Variants in RWDD1 observed in about 807,000 individuals in gnomAD.
The protein encoded by RWDD1 is RWD domain containing 1, also known as RWD domain-containing protein 1.
In RWDD1, 17 loss-of-function variants were observed where a neutral mutation model predicts 31.6. That is an observed-to-expected ratio of 0.54 (90% CI 0.37 to 0.81). The LOEUF (loss-of-function observed/expected upper bound fraction) is 0.81, where lower values mean the gene tolerates loss of function less well. Among genes scored for constraint, RWDD1 ranks in the 30% least tolerant of loss-of-function variants. The pLI is 0.00. For synonymous variants in RWDD1, 78 were observed against 94.2 expected (o/e 0.83, Z 0.99); for missense variants, 204 against 274.5 (o/e 0.74, Z 1.82).
chr6:116,589,245 A>G (rs1038721109), intron 4 of RWDD1, among the ~76,000 whole-genome samples: 23 of 152,294 alleles, frequency 1.5e-4, no homozygotes, highest in African/African-American at 5.5e-4. Flanking sequence ...TTCACCTATG[A>G]TATAGAGCCA....
intron 2 of RWDD1, among the ~76,000 whole-genome samples, chr6:116,582,084 A>T (rs1184952969): frequency 6.6e-6 from 1 of 151,988 alleles, no homozygotes. Flanking sequence ...ATGTAAATAT[A>T]TGCAGATAAA....
chr6:116,583,638 A>G (rs572316949), intron 2 of RWDD1, among the ~76,000 whole-genome samples: 1 of 152,088 alleles, frequency 6.6e-6, no homozygotes, highest in African/African-American at 2.4e-5. Context: ...ATCACATTGT[A>G]CACCTTAAAT....
chr6:116,573,152 G>A (rs1774776178), intron 1 of RWDD1, among the ~76,000 whole-genome samples: 1 of 152,214 alleles, frequency 6.6e-6, no homozygotes, highest in Non-Finnish European at 1.5e-5. Context: ...CAAGACAGCA[G>A]GATGTGCTAT....
chr6:116,582,004 T>G (rs1774955471), intron 2 of RWDD1, among the ~76,000 whole-genome samples: 1 of 152,004 alleles, frequency 6.6e-6, no homozygotes, highest in African/African-American at 2.4e-5. Flanking sequence ...TTTTGAGATT[T>G]TATATTTATA....
At chr6:116,582,125 A>T (rs1043923441) in intron 2 of RWDD1, among the ~76,000 whole-genome samples, 4 of 151,898 alleles carry the variant, frequency 2.6e-5, no homozygotes, top group African/African-American at 9.7e-5. Context: ...TATTTTTAAG[A>T]TACTTAAAAT....
At chr6:116,572,050 G>C (rs546139067) in intron 1 of RWDD1, among the ~76,000 whole-genome samples, 2 of 151,974 alleles carry the variant, frequency 1.3e-5, no homozygotes, top group East Asian at 3.9e-4. Flanking sequence ...GGTAGAAACT[G>C]TTTTTCATAC....
At chr6:116,576,951 C>T (rs934809271) in intron 1 of RWDD1, among the ~76,000 whole-genome samples, 1 of 152,212 alleles carries the variant, frequency 6.6e-6, no homozygotes, top group African/African-American at 2.4e-5. Flanking sequence ...TAGATGTGAT[C>T]TGACAGGGCA....
At chr6:116,575,613 C>G (rs1240323494) in intron 1 of RWDD1, among the ~76,000 whole-genome samples, 2 of 152,138 alleles carry the variant, frequency 1.3e-5, no homozygotes, top group Non-Finnish European at 2.9e-5. Context: ...TTAAAAAATA[C>G]TTATTTTAAT....
At chr6:116,580,937 G>C (rs1774937680) in intron 2 of RWDD1, among the ~76,000 whole-genome samples, 1 of 152,048 alleles carries the variant, frequency 6.6e-6, no homozygotes, top group South Asian at 2.1e-4. Flanking sequence ...TAGTTGATAT[G>C]GTAATTTGAT....
chr6:116,574,697 TTTTC>T (rs1410401146), intron 1 of RWDD1, among the ~76,000 whole-genome samples: 19 of 151,414 alleles, frequency 1.3e-4, no homozygotes, highest in South Asian at 4.2e-4. Flanking sequence ...CCTTCCTTCC[TTTTC>T]TTTCTTTCTT....
chr6:116,572,735 G>T (rs1376070733), intron 1 of RWDD1: 9 of 390,544 alleles, frequency 2.3e-5, no homozygotes, highest in South Asian at 1.0e-4. Flanking sequence ...ATAGTGTAAG[G>T]TATATTACTT....
rs989159683 is a variant in RWDD1 at position 116,595,256 on chromosome 6, T to G, written c.*2155T>G. 2.0e-5 allele frequency: 3 copies of G among 152,340 alleles called. No homozygotes were observed. The highest frequency in any genetic ancestry group is 7.2e-5 in the African/African-American group (3 of 41,580). The allele number at this position is 152,340 out of a possible 1,614,324, so 9.4% of individuals were successfully genotyped here. On this transcript the variant is annotated 3_prime_UTR_variant, in exon 7 of 7. Transcript: ENST00000466444. ...GATTTTTAAGAATAAATTTTATATA[T>G]TTCTCCAGGTATTAAAGTGGATGTC...
chr6:116,594,996 G>A lies in RWDD1; in HGVS notation c.*1895G>A, dbSNP rs1475692222. On this transcript the variant is annotated 3_prime_UTR_variant, in exon 7 of 7. Transcript: ENST00000466444. ...AGCCTTGATCCCAGACCAATAGAAT[G>A]GAATAACAACAGGAATGTTCAGCAT... is the stretch of plus-strand genomic sequence containing the variant. 1.3e-5 allele frequency: 2 copies of A among 152,164 alleles called. No homozygotes were observed. Among genetic ancestry groups the A allele is most frequent in the Admixed American group, 6.5e-5 (1 of 15,280 alleles). The allele number at this position is 152,164 out of a possible 1,614,324, so 9.4% of individuals were successfully genotyped here.
At chr6:116,580,255 A>G (rs1774925062) in intron 1 of RWDD1, 40 bp from the exon 2 acceptor site, 3 of 1,474,426 alleles carry the variant, frequency 2.0e-6, no homozygotes, top group South Asian at 2.4e-5. Flanking sequence ...CATCTGCCTT[A>G]GAAAGCATTT....
chr6:116,585,525 A>T (rs1775021945), intron 3 of RWDD1, among the ~76,000 whole-genome samples: 1 of 152,044 alleles, frequency 6.6e-6, no homozygotes, highest in East Asian at 1.9e-4. Flanking sequence ...AGGGGGGTAA[A>T]ATTCTTACTC....
At position 116,575,776 on chromosome 6, in the gene RWDD1, C is replaced by T. The variant is rs1255128023; in HGVS notation, c.73+4121C>T. On this transcript the variant is annotated intron_variant, in intron 1 of 6. Transcript: ENST00000466444. ...ATCTTCTAATGTAGCTCTCTGTCAT[C>T]CCTAAGATGTAGTCTTACACTCGTG... Among the ~76,000 whole-genome samples, 3 of 152,164 alleles carry T rather than the reference C, an allele frequency of 2.0e-5. No homozygotes were observed. The East Asian group carries it at 5.8e-4, about 29-fold the overall frequency.
chr6:116,579,527 A>G (rs926407852), intron 1 of RWDD1, among the ~76,000 whole-genome samples: 1 of 152,234 alleles, frequency 6.6e-6, no homozygotes, highest in Non-Finnish European at 1.5e-5. Context: ...AGATACTGCC[A>G]GATACTGATC....
chr6:116,590,250 C>CTTTTTTT, intron 4 of RWDD1, 22 bp from the exon 5 acceptor site: 1 of 1,078,224 alleles, frequency 9.3e-7, no homozygotes. Flanking sequence ...AATCTGGTGA[C>CTTTTTTT]TTTTTTTTTT....
At chr6:116,586,058 T>G (rs1484869199) in intron 3 of RWDD1, among the ~76,000 whole-genome samples, 1 of 152,234 alleles carries the variant, frequency 6.6e-6, no homozygotes, top group East Asian at 1.9e-4. Flanking sequence ...AGTGAATTTT[T>G]CCATGTTTTT....
Sources: allele counts gnomAD v4.1 joint callset (sites outside exome capture counted in the v4.1 genomes callset), GRCh38; gene constraint gnomAD v4.1.1; transcripts MANE v1.5; gene names NCBI Gene and HGNC (gene_info 2026-07-23, HGNC 2026-07-21).